Variants in LRRC4C observed in about 807,000 individuals in gnomAD.
LRRC4C encodes the protein leucine rich repeat containing 4C.
LRRC4C carries 5 observed loss-of-function variants against 33.6 expected under a neutral mutation model. The ratio of observed to expected loss-of-function variants is 0.15; its 90% confidence interval spans 0.08 to 0.31. The LOEUF (loss-of-function observed/expected upper bound fraction) is 0.31, where lower values mean the gene tolerates loss of function less well. Among genes scored for constraint, LRRC4C ranks in the 10% least tolerant of loss-of-function variants. LRRC4C has a pLI of 1.00. For missense variants in LRRC4C, 560 were observed against 796.7 expected (o/e 0.70, Z 3.58); for synonymous variants, 329 against 302.0 (o/e 1.09, Z -0.93).
intron 1 of LRRC4C, among the ~76,000 whole-genome samples, chr11:41,240,519 G>A (rs1948206502): frequency 6.6e-6 from 1 of 152,168 alleles, no homozygotes; most frequent in Non-Finnish European, 1.5e-5. Context: ...ATACTGTTTT[G>A]AAAGCACTCT....
intron 3 of LRRC4C, among the ~76,000 whole-genome samples, chr11:40,531,121 T>C (rs78378606): frequency 0.014 from 2,090 of 152,248 alleles, 54 homozygotes; most frequent in African/African-American, 0.047. Flanking sequence ...CCTTCTTTCA[T>C]GTGCTACTTG....
chr11:41,017,093 A>G (rs1268425441), intron 1 of LRRC4C, among the ~76,000 whole-genome samples: 1 of 152,180 alleles, frequency 6.6e-6, no homozygotes, highest in Admixed American at 6.5e-5. Context: ...ACTCTGTCCG[A>G]TACTAAGGAC....
At chr11:41,098,049 G>A (rs1180478803) in intron 1 of LRRC4C, among the ~76,000 whole-genome samples, 1 of 151,992 alleles carries the variant, frequency 6.6e-6, no homozygotes, top group Non-Finnish European at 1.5e-5. Flanking sequence ...TTCCCAATAT[G>A]CCTGAAAGCA....
intron 5 of LRRC4C, among the ~76,000 whole-genome samples, chr11:40,188,052 A>G (rs911180322): frequency 1.3e-5 from 2 of 152,198 alleles, no homozygotes; most frequent in Non-Finnish European, 2.9e-5. Flanking sequence ...AACTAATTAG[A>G]TGACTATTTT....
intron 3 of LRRC4C, among the ~76,000 whole-genome samples, chr11:40,377,952 A>G (rs1948723466): frequency 6.6e-6 from 1 of 152,050 alleles, no homozygotes; most frequent in Non-Finnish European, 1.5e-5. Flanking sequence ...CCCAGTACAA[A>G]ATGTCAATAC....
At chr11:40,800,457 C>G (rs1003102180) in intron 2 of LRRC4C, among the ~76,000 whole-genome samples, 5 of 152,176 alleles carry the variant, frequency 3.3e-5, no homozygotes, top group African/African-American at 1.2e-4. Context: ...TGGATGATTA[C>G]TAAGTCATTC....
intron 2 of LRRC4C, among the ~76,000 whole-genome samples, chr11:40,921,043 C>T (rs768763601): frequency 2.6e-5 from 4 of 151,484 alleles, no homozygotes; most frequent in Non-Finnish European, 5.9e-5. Context: ...ACCTTAGCTT[C>T]CCAAATTGCT....
chr11:40,486,151 G>GT (rs1452104422), intron 3 of LRRC4C, among the ~76,000 whole-genome samples: 1 of 119,710 alleles, frequency 8.4e-6, no homozygotes, highest in African/African-American at 3.4e-5. Context: ...TAAGACAAAA[G>GT]TTTAAAAAAA....
At chr11:40,696,125 C>T (rs1945497584) in intron 2 of LRRC4C, among the ~76,000 whole-genome samples, 1 of 140,850 alleles carries the variant, frequency 7.1e-6, no homozygotes, top group Admixed American at 7.3e-5. Flanking sequence ...ACTCATTCAC[C>T]ATTTTAAATT....
intron 4 of LRRC4C, among the ~76,000 whole-genome samples, chr11:40,306,885 G>A (rs1206673442): frequency 1.3e-5 from 2 of 151,248 alleles, no homozygotes; most frequent in East Asian, 1.9e-4. Flanking sequence ...AAAAGATCTC[G>A]ATTACTCATC....
chr11:41,405,752 A>C (rs1277663279), intron 1 of LRRC4C, among the ~76,000 whole-genome samples: 1 of 152,120 alleles, frequency 6.6e-6, no homozygotes, highest in Non-Finnish European at 1.5e-5. Context: ...TTTTAGGGGC[A>C]GGGGATGGGG....
chr11:40,249,609 T>C (rs1318613279), intron 4 of LRRC4C, among the ~76,000 whole-genome samples: 1 of 150,800 alleles, frequency 6.6e-6, no homozygotes, highest in South Asian at 2.1e-4. Context: ...ATTGTATATA[T>C]GTATGCGTAT....
chr11:40,184,838 A>G (rs192510210), intron 5 of LRRC4C, among the ~76,000 whole-genome samples: 1 of 152,324 alleles, frequency 6.6e-6, no homozygotes, highest in East Asian at 1.9e-4. Flanking sequence ...CTTTTTAAGA[A>G]AGAGTCAATT....
intron 1 of LRRC4C, among the ~76,000 whole-genome samples, chr11:41,198,112 C>G (rs539938237): frequency 1.6e-4 from 25 of 151,950 alleles, no homozygotes; most frequent in African/African-American, 5.8e-4. Flanking sequence ...TTAGGAGTAT[C>G]TATGACAAAA....
intron 3 of LRRC4C, among the ~76,000 whole-genome samples, chr11:40,628,628 T>C (rs190465819): frequency 2.6e-5 from 4 of 152,294 alleles, no homozygotes; most frequent in Admixed American, 2.6e-4. Context: ...TGAACGTGCT[T>C]TGTAAATTGT....
chr11:40,420,704 T>C (rs939308539), intron 3 of LRRC4C, among the ~76,000 whole-genome samples: 2 of 152,234 alleles, frequency 1.3e-5, no homozygotes, highest in Non-Finnish European at 2.9e-5. Flanking sequence ...GAGTGAGTAC[T>C]AACTTTATAG....
chr11:41,279,979 T>G (rs894927533), intron 1 of LRRC4C, among the ~76,000 whole-genome samples: 23 of 152,084 alleles, frequency 1.5e-4, no homozygotes, highest in African/African-American at 4.8e-4. Context: ...CAGTTCAAGG[T>G]TGGTTCCTCT....
At chr11:40,602,669 G>T (rs1248111164) in intron 3 of LRRC4C, among the ~76,000 whole-genome samples, 1 of 152,140 alleles carries the variant, frequency 6.6e-6, no homozygotes, top group Non-Finnish European at 1.5e-5. Context: ...AATTATTAAG[G>T]ATCTTCATCA....
chr11:40,948,430 A>G (rs894728715), intron 1 of LRRC4C, among the ~76,000 whole-genome samples: 12 of 151,512 alleles, frequency 7.9e-5, no homozygotes, highest in Non-Finnish European at 1.3e-4. Flanking sequence ...GGTTAGTTAC[A>G]TATGTATACA....
Sources: allele counts gnomAD v4.1 joint callset (sites outside exome capture counted in the v4.1 genomes callset), GRCh38; gene constraint gnomAD v4.1.1; transcripts MANE v1.5; gene names NCBI Gene and HGNC (gene_info 2026-07-23, HGNC 2026-07-21).